SCGB2B2: variants seen among roughly 807,000 people sequenced by gnomAD.
The protein encoded by SCGB2B2 is secretoglobin family 2B member 2, also known as secretoglobin-like protein.
In SCGB2B2, 11 loss-of-function variants were observed where a neutral mutation model predicts 7.6. The observed-to-expected ratio is 1.45, with a 90% confidence interval of 0.91 to 2.40. The LOEUF (loss-of-function observed/expected upper bound fraction) is 2.40, where lower values mean the gene tolerates loss of function less well. Among genes scored for constraint, SCGB2B2 ranks in the 30% most tolerant of loss-of-function variants. The probability of loss-of-function intolerance (pLI) is 0.00; values close to 1 mark genes in which losing one functional copy is unlikely to be tolerated. For synonymous variants in SCGB2B2, 50 were observed against 48.6 expected (o/e 1.03, Z -0.12); for missense variants, 104 against 115.4 (o/e 0.90, Z 0.45).
At chr19:34,664,113 G>A (rs1172548837) in intron 1 of SCGB2B2, among the ~76,000 whole-genome samples, 1 of 152,162 alleles carries the variant, frequency 6.6e-6, no homozygotes, top group Non-Finnish European at 1.5e-5. Context: ...ACAGTTGAGG[G>A]AGCTCCTCCC....
At chr19:34,663,378 T>C (rs897404337) in intron 1 of SCGB2B2, among the ~76,000 whole-genome samples, 9 of 152,218 alleles carry the variant, frequency 5.9e-5, no homozygotes, top group African/African-American at 2.2e-4. Flanking sequence ...CAATGGCAGA[T>C]TTTTTAAACC....
intron 1 of SCGB2B2, among the ~76,000 whole-genome samples, chr19:34,653,140 T>C (rs1018559114): frequency 6.6e-6 from 1 of 151,210 alleles, no homozygotes; most frequent in Non-Finnish European, 1.5e-5. Flanking sequence ...CACTCACATG[T>C]GGAAGTAAAA....
intron 1 of SCGB2B2, among the ~76,000 whole-genome samples, chr19:34,605,690 C>T (rs927729686): frequency 6.6e-6 from 1 of 152,158 alleles, no homozygotes; most frequent in East Asian, 1.9e-4. Context: ...CAGGTTCAAG[C>T]AATTCTCCTG....
intron 1 of SCGB2B2, chr19:34,632,602 T>A (rs895661106): frequency 6.6e-6 from 1 of 152,160 alleles, no homozygotes; most frequent in Non-Finnish European, 1.5e-5. Flanking sequence ...CCATACCAAG[T>A]GTTGGTGAGG....
chr19:34,601,233 T>C (rs1358428877), intron 1 of SCGB2B2, among the ~76,000 whole-genome samples: 2 of 152,238 alleles, frequency 1.3e-5, no homozygotes, highest in African/African-American at 4.8e-5. Flanking sequence ...CTCTATTTTG[T>C]CTCACTAGTC....
intron 1 of SCGB2B2, among the ~76,000 whole-genome samples, chr19:34,673,515 G>A (rs59609984): frequency 0.02 from 2,999 of 152,274 alleles, 99 homozygotes; most frequent in African/African-American, 0.066. Flanking sequence ...CACCATTAGT[G>A]AGCAGGAGGC....
chr19:34,623,841 G>A (rs907414735), intron 1 of SCGB2B2, among the ~76,000 whole-genome samples: 15 of 152,128 alleles, frequency 9.9e-5, no homozygotes, highest in Non-Finnish European at 1.9e-4. Flanking sequence ...TTTAGGACAG[G>A]TGCCTCAAAA....
chr19:34,654,027 C>G (rs1335432613), intron 1 of SCGB2B2, among the ~76,000 whole-genome samples: 1 of 150,440 alleles, frequency 6.6e-6, no homozygotes, highest in Non-Finnish European at 1.5e-5. Context: ...AAAACTTTAT[C>G]TCTTAGAAGA....
At chr19:34,665,104 G>A (rs965677760) in intron 1 of SCGB2B2, among the ~76,000 whole-genome samples, 1 of 152,138 alleles carries the variant, frequency 6.6e-6, no homozygotes, top group African/African-American at 2.4e-5. Flanking sequence ...ACCGCTCACA[G>A]GACAAACCCA....
chr19:34,631,002 A>T (rs9797879), intron 1 of SCGB2B2, among the ~76,000 whole-genome samples: 55,655 of 151,076 alleles, frequency 0.37, 10,533 homozygotes, highest in African/African-American at 0.45. Context: ...TTCTCAGCAA[A>T]CTATCACAAG....
chr19:34,668,059 C>G (rs914683575), intron 1 of SCGB2B2, among the ~76,000 whole-genome samples: 1 of 152,242 alleles, frequency 6.6e-6, no homozygotes. Flanking sequence ...CGCTCTCTCT[C>G]GGCGCCTCCT....
chr19:34,618,463 GC>G (rs1208261077), intron 1 of SCGB2B2, among the ~76,000 whole-genome samples: 1 of 152,156 alleles, frequency 6.6e-6, no homozygotes, highest in African/African-American at 2.4e-5. Flanking sequence ...ATTAAATAAT[GC>G]CCTTCAAATC....
At chr19:34,668,960 G>A (rs530322724) in intron 1 of SCGB2B2, among the ~76,000 whole-genome samples, 13 of 152,150 alleles carry the variant, frequency 8.5e-5, no homozygotes, top group South Asian at 6.2e-4. Context: ...AACCAGCTGG[G>A]GTCCCCTTCC....
chr19:34,594,468 C>T, intron 2 of SCGB2B2, 35 bp downstream of exon 2: 1 of 1,608,924 alleles, frequency 6.2e-7, no homozygotes, highest in Non-Finnish European at 8.5e-7. Context: ...AGCAGGGCCA[C>T]CGCTTCCTCC....
At chr19:34,650,781 A>T (rs1284927632) in intron 1 of SCGB2B2, among the ~76,000 whole-genome samples, 2 of 151,308 alleles carry the variant, frequency 1.3e-5, no homozygotes, top group Non-Finnish European at 2.9e-5. Context: ...TGATACCAAA[A>T]CCAGAGAAGC....
intron 1 of SCGB2B2, among the ~76,000 whole-genome samples, chr19:34,618,914 G>A (rs1422979807): frequency 6.6e-6 from 1 of 152,174 alleles, no homozygotes; most frequent in African/African-American, 2.4e-5. Flanking sequence ...AAATCTAATG[G>A]CTATAAAACA....
intron 1 of SCGB2B2, among the ~76,000 whole-genome samples, chr19:34,608,380 T>C (rs1036775616): frequency 1.3e-5 from 2 of 151,486 alleles, no homozygotes; most frequent in East Asian, 1.9e-4. Flanking sequence ...TACAGTGCTA[T>C]AGAAAACTAG....
intron 1 of SCGB2B2, among the ~76,000 whole-genome samples, chr19:34,618,528 A>T (rs2066153464): frequency 6.6e-6 from 1 of 152,194 alleles, no homozygotes; most frequent in South Asian, 2.1e-4. Flanking sequence ...AATGCTTCAC[A>T]AATTCTTCAC....
In SCGB2B2 at chr19:34,592,799, G is replaced by A. The variant is rs961518688; in HGVS notation, c.*756C>T. 6.6e-6 allele frequency among the ~76,000 whole-genome samples: 1 copy of A among 152,164 alleles called. No individual in the cohort carries two copies. The highest frequency in any genetic ancestry group is 2.4e-5 in the African/African-American group (1 of 41,426). ...ACCCATGGCCTCATGCAGATTGCCT[G>A]GTCCCACCAGCCCCAGGAGCAGAGC... On this transcript the variant is annotated 3_prime_UTR_variant, in exon 4 of 4. Transcript: ENST00000601241.
Sources: gnomAD v4.1 joint callset for allele counts (sites outside exome capture counted in the v4.1 genomes callset) on GRCh38, gnomAD v4.1.1 for gene constraint, MANE v1.5 for transcripts, NCBI Gene and HGNC (gene_info 2026-07-23, HGNC 2026-07-21) for gene names.